The following CHCHD3 variants were observed in gnomAD, a reference collection of about 807,000 sequenced individuals.
CHCHD3 encodes the protein MICOS complex subunit MIC19.
In CHCHD3, 20 loss-of-function variants were observed where a neutral mutation model predicts 38.2. The observed-to-expected ratio is 0.52, with a 90% confidence interval of 0.37 to 0.76. The LOEUF (loss-of-function observed/expected upper bound fraction) is 0.76. Ranked by LOEUF, CHCHD3 falls within the 30% of genes least tolerant of loss-of-function variation. The pLI is 0.00. For missense variants in CHCHD3, 245 were observed against 279.2 expected, an observed-to-expected ratio of 0.88 and a Z score of 0.87; for synonymous variants, 82 against 100.0, an observed-to-expected ratio of 0.82 and a Z score of 1.07.
rs528737100 is a variant in CHCHD3, at chr7:132,813,408, G to T, written c.525-16831C>A. On this transcript the variant is annotated intron_variant, in intron 6 of 7. Transcript: ENST00000262570. ...CATCTAAAATATGCATATCCAAAAC[G>T]GGGGTCTACTTCTTACTTGCAGTGG... 2.0e-5 allele frequency: 3 copies of T among 152,216 alleles called. No individual in the cohort carries two copies. The East Asian group carries it at 5.8e-4, about 29-fold the overall frequency. 9.4% of individuals were successfully genotyped at this position (152,216 alleles called of 1,614,324 possible).
At chr7:132,980,753 A>G (rs1811896649) in intron 3 of CHCHD3, among the ~76,000 whole-genome samples, 2 of 152,184 alleles carry the variant, frequency 1.3e-5, no homozygotes, top group Non-Finnish European at 2.9e-5. Context: ...GTCCTTTTAA[A>G]TGGGAAAACA....
chr7:133,021,444 C>G (rs1231254036), intron 3 of CHCHD3, among the ~76,000 whole-genome samples: 2 of 152,128 alleles, frequency 1.3e-5, no homozygotes, highest in African/African-American at 2.4e-5. Context: ...ACATCCAGTT[C>G]TCCCCTTGCT....
At chr7:132,884,534 CAT>C (rs1382854936) in intron 5 of CHCHD3, among the ~76,000 whole-genome samples, 6 of 152,144 alleles carry the variant, frequency 3.9e-5, no homozygotes, top group African/African-American at 1.2e-4. Flanking sequence ...AGTTCGGTAA[CAT>C]ATGGAGACAG....
At chr7:132,953,862 G>C (rs942131739) in intron 4 of CHCHD3, among the ~76,000 whole-genome samples, 1 of 152,106 alleles carries the variant, frequency 6.6e-6, no homozygotes. Context: ...GTTTATGTGT[G>C]TTGTCTCCGT....
At chr7:132,791,151 T>G (rs976608431) in intron 7 of CHCHD3, among the ~76,000 whole-genome samples, 1 of 152,212 alleles carries the variant, frequency 6.6e-6, no homozygotes, top group Non-Finnish European at 1.5e-5. Context: ...CAGAGTCTCC[T>G]GGGAAATTTG....
intron 3 of CHCHD3, among the ~76,000 whole-genome samples, chr7:132,977,739 GT>G (rs1274293696): frequency 1.3e-5 from 2 of 151,978 alleles, no homozygotes; most frequent in African/African-American, 2.4e-5. Flanking sequence ...ACCACATTTG[GT>G]GTATCTAATT....
At chr7:132,977,527 T>C (rs1486843464) in intron 3 of CHCHD3, among the ~76,000 whole-genome samples, 5 of 152,222 alleles carry the variant, frequency 3.3e-5, no homozygotes, top group African/African-American at 1.2e-4. Flanking sequence ...TGTATGGACA[T>C]CTTACCCCTA....
chr7:132,923,071 T>C (rs1219450876), intron 4 of CHCHD3, among the ~76,000 whole-genome samples: 1 of 152,164 alleles, frequency 6.6e-6, no homozygotes, highest in Admixed American at 6.5e-5. Context: ...ACAATCAGAA[T>C]ATTGTCTTGC....
At chr7:133,066,157 G>A (rs913359324) in intron 2 of CHCHD3, among the ~76,000 whole-genome samples, 4 of 152,108 alleles carry the variant, frequency 2.6e-5, no homozygotes, top group Admixed American at 6.5e-5. Context: ...TCATTTGATC[G>A]ACTTAATTTT....
chr7:133,007,669 T>A (rs1052921937), intron 3 of CHCHD3, among the ~76,000 whole-genome samples: 4 of 152,168 alleles, frequency 2.6e-5, no homozygotes, highest in African/African-American at 9.6e-5. Context: ...CCCTGCTACA[T>A]CTCTGCTGAG....
At chr7:132,901,292 A>G (rs1809659881) in intron 4 of CHCHD3, among the ~76,000 whole-genome samples, 1 of 152,240 alleles carries the variant, frequency 6.6e-6, no homozygotes, top group African/African-American at 2.4e-5. Flanking sequence ...AAGGGAAAGA[A>G]GTCTTAGAAG....
At chr7:132,804,427 T>C (rs953523209) in intron 6 of CHCHD3, among the ~76,000 whole-genome samples, 1 of 152,214 alleles carries the variant, frequency 6.6e-6, no homozygotes, top group African/African-American at 2.4e-5. Flanking sequence ...GAATTTTATA[T>C]GCTCATTCTC....
At chr7:133,068,264 A>G (rs1814727881) in intron 2 of CHCHD3, among the ~76,000 whole-genome samples, 1 of 152,206 alleles carries the variant, frequency 6.6e-6, no homozygotes, top group African/African-American at 2.4e-5. Context: ...AATTCAACAA[A>G]CGATAATAAG....
intron 3 of CHCHD3, among the ~76,000 whole-genome samples, chr7:133,010,259 C>T (rs1812827680): frequency 6.6e-6 from 1 of 152,110 alleles, no homozygotes; most frequent in African/African-American, 2.4e-5. Context: ...TGGGGGTCAC[C>T]TAGCCTTGGA....
At chr7:132,801,136 TTTTG>T (rs1449991112) in intron 6 of CHCHD3, among the ~76,000 whole-genome samples, 2 of 152,212 alleles carry the variant, frequency 1.3e-5, no homozygotes, top group African/African-American at 4.8e-5. Context: ...AATCATTCAC[TTTTG>T]TTTTTCTCAT....
At chr7:132,960,730 C>T (rs1811296318) in intron 4 of CHCHD3, among the ~76,000 whole-genome samples, 1 of 152,152 alleles carries the variant, frequency 6.6e-6, no homozygotes, top group South Asian at 2.1e-4. Context: ...GTAATCCTAG[C>T]ACTTTGGGAA....
At chr7:133,047,081 T>C (rs1814013538) in intron 2 of CHCHD3, among the ~76,000 whole-genome samples, 1 of 152,212 alleles carries the variant, frequency 6.6e-6, no homozygotes, top group Non-Finnish European at 1.5e-5. Flanking sequence ...TTCCACGAGC[T>C]GCTGGGATAT....
intron 4 of CHCHD3, among the ~76,000 whole-genome samples, chr7:132,887,180 T>C (rs1390534349): frequency 6.6e-6 from 1 of 151,870 alleles, no homozygotes; most frequent in African/African-American, 2.4e-5. Context: ...ACAGTTTGAA[T>C]AGAAGATTTC....
chr7:132,967,360 G>T (rs1055621410), intron 4 of CHCHD3, among the ~76,000 whole-genome samples: 1 of 152,110 alleles, frequency 6.6e-6, no homozygotes, highest in African/African-American at 2.4e-5. Flanking sequence ...ACACCGTGTT[G>T]ACTGGATAGG....
Sources: gnomAD v4.1 joint callset for allele counts (sites outside exome capture counted in the v4.1 genomes callset) on GRCh38, gnomAD v4.1.1 for gene constraint, MANE v1.5 for transcripts, NCBI Gene and HGNC (gene_info 2026-07-23, HGNC 2026-07-21) for gene names.